ADAMTS20: variants seen among roughly 807,000 people sequenced by gnomAD.
The protein encoded by ADAMTS20 is A disintegrin and metalloproteinase with thrombospondin motifs 20.
In ADAMTS20, 225 loss-of-function variants were observed where a neutral mutation model predicts 260.1. The ratio of observed to expected loss-of-function variants is 0.87; its 90% CI spans 0.78 to 0.97. The LOEUF (loss-of-function observed/expected upper bound fraction) is 0.97, where lower values mean the gene tolerates loss of function less well. Ranked by LOEUF, ADAMTS20 falls within the 50% of genes least tolerant of loss-of-function variation. The pLI is 0.00. For missense variants in ADAMTS20, 2,400 were observed against 2,337.7 expected (o/e 1.03, Z -0.55); for synonymous variants, 802 against 769.5 (o/e 1.04, Z -0.70).
At chr12:43,460,986 A>ATT (rs1369648804) in intron 11 of ADAMTS20, among the ~76,000 whole-genome samples, 7 of 40,912 alleles carry the variant, frequency 1.7e-4, no homozygotes, top group Admixed American at 4.3e-4. Flanking sequence ...ATATATATAT[A>ATT]TATTTTTTTT....
At position 43,429,670 on chromosome 12, in the gene ADAMTS20, G is replaced by A. The variant is rs140847362; in HGVS notation, c.3436C>T (p.Pro1146Ser). ...GCCATCTTTTTTATGAGAACAGTTG[G>A]TAATAAAGCGGTCTCAAGTTTAGAA... ...FISKLETALL[P>S]TVLIKKMAQW... Residue 1146 changes from proline (P) to serine (S), a missense_variant, in exon 24 of 39, where the codon CCA (proline) becomes TCA (serine). By Grantham distance (74) the Pro-to-Ser change is moderately conservative. Transcript: ENST00000389420. The A allele has an allele frequency of 5.6e-5, 90 of 1,599,812 alleles. No homozygotes were observed. Among genetic ancestry groups the A allele is most frequent in the Non-Finnish European group, 7.2e-5 (84 of 1,172,274 alleles).
In ADAMTS20 at chr12:43,551,700, C is replaced by G; in HGVS notation, c.91+131G>C. The G allele has an allele frequency of 7.5e-6, 7 of 932,510 alleles. No individual in the cohort carries two copies. Among genetic ancestry groups the G allele is most frequent in the Non-Finnish European group, 1.2e-5 (7 of 608,332 alleles). The allele number at this position is 932,510 out of a possible 1,614,324, so 57.8% of individuals were successfully genotyped here. A position where few individuals can be genotyped will look rare whatever the true frequency, so the allele number is the denominator to read the frequency against. On this transcript the variant is annotated intron_variant, in intron 1 of 38. Coordinates refer to ENST00000389420, the MANE Select transcript of ADAMTS20 (RefSeq NM_025003.5). This position sits in a 1 kb window ranked among gnomAD's most constrained non-coding sequence, Gnocchi z 4.6. ...TCGCGACCTCTCCGGCTGACTGGTC[C>G]GGGAGTCCCGGGAGCTCCAGCAGGG... is the stretch of plus-strand genomic sequence containing the variant.
At chr12:43,461,427 C>CA (rs1942063679) in intron 11 of ADAMTS20, among the ~76,000 whole-genome samples, 2 of 152,084 alleles carry the variant, frequency 1.3e-5, no homozygotes, top group South Asian at 2.1e-4. Context: ...ACCTTAATTT[C>CA]AAAAAATCAT....
At chr12:43,484,414 C>G (rs1592092902) in intron 7 of ADAMTS20, among the ~76,000 whole-genome samples, 1 of 151,840 alleles carries the variant, frequency 6.6e-6, no homozygotes, top group Non-Finnish European at 1.5e-5. Flanking sequence ...AGGTGAAAAA[C>G]AAATAGGATT....
intron 2 of ADAMTS20, among the ~76,000 whole-genome samples, chr12:43,541,117 A>T (rs1341923708): frequency 6.6e-6 from 1 of 152,200 alleles, no homozygotes; most frequent in Admixed American, 6.5e-5. Context: ...CAAATCATTT[A>T]TAGTTATCAC....
intron 12 of ADAMTS20, among the ~76,000 whole-genome samples, chr12:43,453,183 G>T (rs1017766077): frequency 6.6e-6 from 1 of 151,854 alleles, no homozygotes; most frequent in African/African-American, 2.4e-5. Context: ...AAAATTTTTT[G>T]CAGAATTTTT....
chr12:43,511,887 T>C (rs1240947000), intron 3 of ADAMTS20, among the ~76,000 whole-genome samples: 1 of 152,140 alleles, frequency 6.6e-6, no homozygotes, highest in African/African-American at 2.4e-5. Flanking sequence ...ACTTGCTGAA[T>C]GTGCAACAGA....
chr12:43,499,704 C>T (rs1942728953), intron 4 of ADAMTS20, among the ~76,000 whole-genome samples: 1 of 151,884 alleles, frequency 6.6e-6, no homozygotes, highest in Admixed American at 6.6e-5. Flanking sequence ...AGGGTTTCAC[C>T]ATGTTGGCCA....
At chr12:43,441,874 T>C (rs1186671492) in intron 16 of ADAMTS20, among the ~76,000 whole-genome samples, 1 of 152,142 alleles carries the variant, frequency 6.6e-6, no homozygotes, top group African/African-American at 2.4e-5. Context: ...GTAAAATAAA[T>C]TTGGTGTTTC....
At chr12:43,439,502 T>C in intron 18 of ADAMTS20, 120 bp downstream of exon 18, 2 of 1,171,164 alleles carry the variant, frequency 1.7e-6, no homozygotes, top group Non-Finnish European at 2.4e-6. Flanking sequence ...CTTTTGTATG[T>C]CTGTGGGATA....
intron 19 of ADAMTS20, 74 bp downstream of exon 19, chr12:43,434,171 C>A: frequency 1.4e-6 from 2 of 1,431,730 alleles, no homozygotes; most frequent in South Asian, 1.4e-5. Context: ...CATGCTGTGT[C>A]AGTCACTGTG....
intron 2 of ADAMTS20, among the ~76,000 whole-genome samples, chr12:43,548,212 G>C (rs766969834): frequency 1.3e-5 from 2 of 152,184 alleles, no homozygotes; most frequent in East Asian, 3.8e-4. Context: ...AGAAAAAGAA[G>C]AGAACATCTC....
chr12:43,509,488 C>T (rs1942892923), intron 3 of ADAMTS20, among the ~76,000 whole-genome samples: 1 of 150,684 alleles, frequency 6.6e-6, no homozygotes, highest in Admixed American at 6.8e-5. Flanking sequence ...TACTTGAACA[C>T]ACAACAGTGT....
chr12:43,525,267 G>A (rs940224908), intron 3 of ADAMTS20, among the ~76,000 whole-genome samples: 1 of 152,098 alleles, frequency 6.6e-6, no homozygotes, highest in Non-Finnish European at 1.5e-5. Flanking sequence ...TAACAATTTT[G>A]TATCCAACAA....
In ADAMTS20 at chr12:43,376,655, T is replaced by C; in HGVS notation, c.4996-2A>G. The stretch of plus-strand genomic sequence containing the variant: ...CCCAATTCCACAAGTCACTGAGCAC[T>C]GTGAAAAGAGTAAAATTTGAAGGCA... On this transcript the variant is annotated splice_acceptor_variant, in intron 32 of 38. Coordinates refer to ENST00000389420, the MANE Select transcript of ADAMTS20 (RefSeq NM_025003.5). LOFTEE classifies it high-confidence loss of function. 6.3e-7 allele frequency: 1 copy of C among 1,597,294 alleles called. No homozygotes were observed. The highest frequency in any genetic ancestry group is 8.5e-7 in the Non-Finnish European group (1 of 1,175,610).
chr12:43,524,441 C>A (rs1943113610), intron 3 of ADAMTS20, among the ~76,000 whole-genome samples: 1 of 151,992 alleles, frequency 6.6e-6, no homozygotes, highest in African/African-American at 2.4e-5. Context: ...GGTAATATGA[C>A]AAAACAAGGC....
intron 4 of ADAMTS20, among the ~76,000 whole-genome samples, chr12:43,495,047 C>T (rs1942658116): frequency 1.3e-5 from 2 of 152,056 alleles, no homozygotes; most frequent in South Asian, 4.2e-4. Context: ...ATCCATTGTC[C>T]CAAGTATTTT....
At chr12:43,394,262 A>T (rs1456210222) in intron 29 of ADAMTS20, among the ~76,000 whole-genome samples, 1 of 152,126 alleles carries the variant, frequency 6.6e-6, no homozygotes, top group Non-Finnish European at 1.5e-5. Flanking sequence ...CTGGCAGCAG[A>T]ACACTAGACA....
At chr12:43,546,883 A>G (rs1342210879) in intron 2 of ADAMTS20, among the ~76,000 whole-genome samples, 1 of 152,180 alleles carries the variant, frequency 6.6e-6, no homozygotes, top group Non-Finnish European at 1.5e-5. Flanking sequence ...GGAAAATAAA[A>G]ATTATAGAGA....
Sources: allele counts gnomAD v4.1 joint callset (sites outside exome capture counted in the v4.1 genomes callset), GRCh38; gene constraint gnomAD v4.1.1; non-coding constraint Gnocchi (gnomAD v3.1); transcripts MANE v1.5; gene names NCBI Gene and HGNC (gene_info 2026-07-23, HGNC 2026-07-21).